The following COL23A1 variants were observed in gnomAD, a reference collection of about 807,000 sequenced individuals.
COL23A1 encodes collagen type XXIII alpha 1 chain.
Under a neutral mutation model 99.3 loss-of-function variants are expected in COL23A1, and 97 were observed. The observed-to-expected ratio is 0.98, with a 90% CI of 0.83 to 1.16. COL23A1 has a LOEUF of 1.16. Ranked by LOEUF, COL23A1 falls within the 50% of genes most tolerant of loss-of-function variation. The probability of loss-of-function intolerance (pLI) is 0.00; values close to 1 mark genes in which losing one functional copy is unlikely to be tolerated. For synonymous variants in COL23A1, 320 were observed against 308.2 expected, an observed-to-expected ratio of 1.04 and a Z score of -0.40; for missense variants, 762 against 757.4, an observed-to-expected ratio of 1.01 and a Z score of -0.07.
chr5:178,519,112 G>GCGCCTT (rs1316683967), intron 2 of COL23A1, among the ~76,000 whole-genome samples: 9 of 152,074 alleles, frequency 5.9e-5, no homozygotes, highest in Non-Finnish European at 1.2e-4. Context: ...CCAGCCCGCG[G>GCGCCTT]CGCCTTCGAG....
intron 1 of COL23A1, chr5:178,562,736 T>TGGTGGG (rs1554197569): frequency 9.4e-6 from 1 of 106,822 alleles, no homozygotes; most frequent in African/African-American, 4.9e-5. Context: ...TGGCTGGTGG[T>TGGTGGG]GGGGGGGGTG....
intron 2 of COL23A1, among the ~76,000 whole-genome samples, chr5:178,317,960 C>T (rs186299349): frequency 6.6e-6 from 1 of 152,074 alleles, no homozygotes; most frequent in African/African-American, 2.4e-5. Context: ...GGAAAACCAC[C>T]CCCGTGATTC....
chr5:178,427,165 C>T (rs113643283), intron 2 of COL23A1, among the ~76,000 whole-genome samples: 13,593 of 152,216 alleles, frequency 0.089, 732 homozygotes, highest in Middle Eastern at 0.19. Flanking sequence ...TGCACTCCAG[C>T]CTGGGCGACA....
chr5:178,257,398 G>A lies in COL23A1; in HGVS notation c.774+125C>T, dbSNP rs535234950. 50 of 1,147,602 alleles carry A rather than the reference G, an allele frequency of 4.4e-5. No individual in the cohort carries two copies. The African/African-American group carries it at 5.4e-4, about 12-fold the overall frequency. The allele number at this position is 1,147,602 out of a possible 1,614,324, so 71.1% of individuals were successfully genotyped here. On this transcript the variant is annotated intron_variant, in intron 13 of 28. Coordinates refer to ENST00000390654, the MANE Select transcript of COL23A1 (RefSeq NM_173465.4). ...CCGCGGCCTTCCTCTGCCTCTCTCC[G>A]GCCTGCGCTGGGCACTGGCCTAGGA...
At chr5:178,245,872 G>A (rs1240595201) in intron 25 of COL23A1, 70 bp downstream of exon 25, 1 of 1,556,602 alleles carries the variant, frequency 6.4e-7, no homozygotes, top group Non-Finnish European at 8.9e-7. Context: ...GCCAGATCAG[G>A]TTACTGCATG....
intron 2 of COL23A1, among the ~76,000 whole-genome samples, chr5:178,348,156 C>A (rs991859166): frequency 6.6e-6 from 1 of 151,928 alleles, no homozygotes; most frequent in Non-Finnish European, 1.5e-5. Flanking sequence ...CCTGACGCCG[C>A]CCCCCGACTG....
At chr5:178,348,404 A>G (rs1394847710) in intron 2 of COL23A1, among the ~76,000 whole-genome samples, 3 of 152,202 alleles carry the variant, frequency 2.0e-5, no homozygotes, top group Admixed American at 2.0e-4. Context: ...TGCCCCTGGC[A>G]GGGTCAAGGC....
At chr5:178,535,402 C>T (rs1003256502) in intron 2 of COL23A1, among the ~76,000 whole-genome samples, 4 of 152,366 alleles carry the variant, frequency 2.6e-5, no homozygotes, top group East Asian at 1.9e-4. Flanking sequence ...TCCAGCACTC[C>T]GTGGGTGTGG....
chr5:178,346,611 GCCCCTTCACATACTT>G (rs1009190968), intron 2 of COL23A1, among the ~76,000 whole-genome samples: 17 of 152,128 alleles, frequency 1.1e-4, no homozygotes, highest in Non-Finnish European at 1.3e-4. Flanking sequence ...TTCTATGTAT[GCCCCTTCACATACTT>G]CCCCACAATC....
chr5:178,400,466 T>C (rs1228930901), intron 2 of COL23A1, among the ~76,000 whole-genome samples: 1 of 192 alleles, frequency 5.2e-3, no homozygotes, highest in Non-Finnish European at 8.5e-3. Context: ...AACAGCTCCG[T>C]CAGCCCCAAA....
chr5:178,444,190 T>C (rs539155305), intron 2 of COL23A1, among the ~76,000 whole-genome samples: 1 of 152,260 alleles, frequency 6.6e-6, no homozygotes, highest in South Asian at 2.1e-4. Context: ...AGAGCAAGAT[T>C]CTGTCTCAAT....
At chr5:178,241,989 A>T in intron 27 of COL23A1, 53 bp downstream of exon 27, 1 of 1,394,316 alleles carries the variant, frequency 7.2e-7, no homozygotes, top group Admixed American at 2.0e-5. Context: ...TGTTGGGCTG[A>T]CCCTGGCTGG....
At chr5:178,572,206 G>A (rs1331814124) in intron 1 of COL23A1, among the ~76,000 whole-genome samples, 1 of 151,896 alleles carries the variant, frequency 6.6e-6, no homozygotes, top group Non-Finnish European at 1.5e-5. Flanking sequence ...GACAGCAATG[G>A]AAACTACCTA....
chr5:178,357,796 A>ATGTGTG, intron 2 of COL23A1, among the ~76,000 whole-genome samples: 1 of 128,036 alleles, frequency 7.8e-6, no homozygotes, highest in East Asian at 2.4e-4. Flanking sequence ...GTGTGTGTGT[A>ATGTGTG]TGTGTGTGTG....
chr5:178,379,530 A>G (rs539126317), intron 2 of COL23A1, among the ~76,000 whole-genome samples: 124 of 152,320 alleles, frequency 8.1e-4, no homozygotes, highest in Non-Finnish European at 1.3e-3. Flanking sequence ...TTTTGTTTAC[A>G]GTAAGCAAGA....
intron 2 of COL23A1, among the ~76,000 whole-genome samples, chr5:178,403,569 G>A (rs1424365921): frequency 6.6e-6 from 1 of 152,246 alleles, no homozygotes; most frequent in East Asian, 1.9e-4. Flanking sequence ...TCCACCATAT[G>A]CCAGGGCTCA....
chr5:178,526,125 C>A (rs1203355375), intron 2 of COL23A1, among the ~76,000 whole-genome samples: 1 of 152,194 alleles, frequency 6.6e-6, no homozygotes, highest in Non-Finnish European at 1.5e-5. Context: ...GGGCAGAGGG[C>A]CAGGGAATGA....
At chr5:178,346,903 T>G (rs982221969) in intron 2 of COL23A1, among the ~76,000 whole-genome samples, 4 of 152,218 alleles carry the variant, frequency 2.6e-5, no homozygotes, top group Non-Finnish European at 5.9e-5. Flanking sequence ...CGACCCAGCC[T>G]TGGGTTGGCC....
Position 178,582,599 on chromosome 5 carries a change from C to T in COL23A1, c.294+7305G>A, listed in dbSNP as rs1471197435. 2.0e-5 allele frequency among the ~76,000 whole-genome samples: 3 copies of T among 152,190 alleles called. No homozygotes were observed. In the East Asian group the frequency reaches 5.8e-4, roughly 29 times the overall value. On this transcript the variant is annotated intron_variant, in intron 1 of 28. Transcript: ENST00000390654. ...ACCCCTGGCTGCGCCAGCCCCACCT[C>T]ACAGCCAGAACTGAGGCTCAGAGAG... is the stretch of plus-strand genomic sequence containing the variant.
Sources: gnomAD v4.1 joint callset for allele counts (sites outside exome capture counted in the v4.1 genomes callset) on GRCh38, gnomAD v4.1.1 for gene constraint, MANE v1.5 for transcripts, NCBI Gene and HGNC (gene_info 2026-07-23, HGNC 2026-07-21) for gene names.